The following C12orf42 variants were observed in gnomAD, a reference collection of about 807,000 sequenced individuals.
The protein encoded by C12orf42 is uncharacterized protein C12orf42.
In C12orf42, 25 loss-of-function variants were observed where a neutral mutation model predicts 21.6. The observed-to-expected ratio is 1.16, with a 90% confidence interval of 0.84 to 1.62. The LOEUF is 1.62. Ranked by LOEUF, C12orf42 falls within the 40% of genes most tolerant of loss-of-function variation. C12orf42 has a pLI of 0.00. For missense variants in C12orf42, 483 were observed against 459.3 expected (o/e 1.05, Z -0.47); for synonymous variants, 174 against 175.0 (o/e 0.99, Z 0.05).
At chr12:103,097,834 A>T in the C12orf42 span, among the ~76,000 whole-genome samples, 196 of 152,282 alleles carry the variant, frequency 1.3e-3, 4 homozygotes, top group South Asian at 0.04. Context: ...TTCATTCCCC[A>T]CTCATGCGGA....
chr12:103,456,723 T>C (rs1388592912), intron 2 of C12orf42, among the ~76,000 whole-genome samples: 3 of 152,184 alleles, frequency 2.0e-5, no homozygotes, highest in African/African-American at 7.2e-5. Flanking sequence ...TGCTTAAAGG[T>C]TGAGGCTTAT....
chr12:103,304,334 T>C (rs1257384491), intron 5 of C12orf42, among the ~76,000 whole-genome samples: 4 of 152,092 alleles, frequency 2.6e-5, no homozygotes, highest in Non-Finnish European at 5.9e-5. Flanking sequence ...CAATAAAAAG[T>C]AGGGAGGAGA....
chr12:103,183,530 CATTA>C, the C12orf42 span, among the ~76,000 whole-genome samples: 10 of 151,872 alleles, frequency 6.6e-5, no homozygotes, highest in Non-Finnish European at 7.4e-5. Context: ...CTTTTGGTTT[CATTA>C]ATTGTTTCTA....
intron 2 of C12orf42, among the ~76,000 whole-genome samples, chr12:103,434,270 C>A (rs1041748969): frequency 1.2e-4 from 18 of 152,320 alleles, no homozygotes; most frequent in Non-Finnish European, 1.9e-4. Flanking sequence ...CTAAACCAAA[C>A]CCAGGGATAA....
At chr12:103,305,792 C>T (rs2038236457) in intron 5 of C12orf42, among the ~76,000 whole-genome samples, 182 bp downstream of exon 5, 1 of 152,210 alleles carries the variant, frequency 6.6e-6, no homozygotes, top group South Asian at 2.1e-4. Flanking sequence ...CCTGTTCTCT[C>T]CTCCAATATA....
intron 10 of C12orf42, among the ~76,000 whole-genome samples, chr12:103,238,107 G>A (rs1179205470): frequency 6.6e-6 from 1 of 152,124 alleles, no homozygotes; most frequent in Non-Finnish European, 1.5e-5. Flanking sequence ...ATATGGCCAT[G>A]GCTTGATTTT....
chr12:103,383,178 T>A (rs542195150), intron 3 of C12orf42, among the ~76,000 whole-genome samples: 51 of 151,730 alleles, frequency 3.4e-4, no homozygotes, highest in Non-Finnish European at 6.9e-4. Flanking sequence ...CAGGCTGGAG[T>A]GCATTGGTGC....
At chr12:103,526,044 C>A in the C12orf42 span, among the ~76,000 whole-genome samples, 3 of 152,110 alleles carry the variant, frequency 2.0e-5, no homozygotes, top group African/African-American at 7.2e-5. Context: ...CAAAACAAAA[C>A]AAAATCTGCC....
chr12:103,207,453 C>T, the C12orf42 span, among the ~76,000 whole-genome samples: 11 of 152,212 alleles, frequency 7.2e-5, no homozygotes, highest in East Asian at 1.9e-4. Context: ...CACACACGTG[C>T]GCGCGCACAG....
At chr12:103,524,983 G>C in the C12orf42 span, among the ~76,000 whole-genome samples, 1 of 150,682 alleles carries the variant, frequency 6.6e-6, no homozygotes, top group Non-Finnish European at 1.5e-5. Flanking sequence ...CAGGGGGGCA[G>C]GTCTGGGGAG....
chr12:103,197,615 A>C, the C12orf42 span, among the ~76,000 whole-genome samples: 1 of 152,210 alleles, frequency 6.6e-6, no homozygotes, highest in Admixed American at 6.5e-5. Context: ...TAGTATGGTC[A>C]CTTGGAGGCA....
At chr12:103,421,920 AAAT>A (rs1162499328) in intron 2 of C12orf42, among the ~76,000 whole-genome samples, 1 of 152,116 alleles carries the variant, frequency 6.6e-6, no homozygotes, top group Non-Finnish European at 1.5e-5. Flanking sequence ...TTCATGCTCC[AAAT>A]AATAATAATA....
At chr12:103,435,964 T>C (rs1291609480) in intron 2 of C12orf42, among the ~76,000 whole-genome samples, 1 of 148,090 alleles carries the variant, frequency 6.8e-6, no homozygotes, top group Non-Finnish European at 1.5e-5. Context: ...TTCACCAAAG[T>C]TGAAATGAAG....
At chr12:103,543,642 C>T in the C12orf42 span, among the ~76,000 whole-genome samples, 1 of 151,950 alleles carries the variant, frequency 6.6e-6, no homozygotes, top group Non-Finnish European at 1.5e-5. Flanking sequence ...CACTTTAATC[C>T]AATCACCCAC....
At chr12:103,247,252 T>C (rs1004544703) in intron 10 of C12orf42, among the ~76,000 whole-genome samples, 2 of 151,076 alleles carry the variant, frequency 1.3e-5, no homozygotes, top group South Asian at 4.2e-4. Flanking sequence ...AGTGTAAGTG[T>C]TATAGAAAAA....
the C12orf42 span, among the ~76,000 whole-genome samples, chr12:103,087,857 T>G: frequency 1.3e-5 from 2 of 152,212 alleles, no homozygotes; most frequent in Non-Finnish European, 2.9e-5. Flanking sequence ...AGTCTCAAAT[T>G]TACATGTAAA....
At chr12:103,384,315 T>C (rs2046429183) in intron 3 of C12orf42, among the ~76,000 whole-genome samples, 1 of 152,082 alleles carries the variant, frequency 6.6e-6, no homozygotes, top group Non-Finnish European at 1.5e-5. Context: ...CTAAATATGG[T>C]GAAAAGAACA....
the C12orf42 span, among the ~76,000 whole-genome samples, chr12:103,107,332 A>G: frequency 6.6e-6 from 1 of 151,976 alleles, no homozygotes; most frequent in Non-Finnish European, 1.5e-5. Context: ...TATTGAAGTA[A>G]GCACACCGTT....
At chr12:103,221,112 G>A in the C12orf42 span, among the ~76,000 whole-genome samples, 4 of 152,152 alleles carry the variant, frequency 2.6e-5, no homozygotes, top group Non-Finnish European at 5.9e-5. Context: ...GTCTTATTTT[G>A]TCCAAAGCCA....
Sources: gnomAD v4.1 joint callset for allele counts (sites outside exome capture counted in the v4.1 genomes callset) on GRCh38, gnomAD v4.1.1 for gene constraint, MANE v1.5 for transcripts, NCBI Gene and HGNC (gene_info 2026-07-23, HGNC 2026-07-21) for gene names.